Variants in SCARA5 observed in about 807,000 individuals in gnomAD.
The protein encoded by SCARA5 is scavenger receptor class A, member 5 (putative).
Under a neutral mutation model 46.3 loss-of-function variants are expected in SCARA5, and 45 were observed. The observed-to-expected ratio is 0.97, with a 90% CI of 0.76 to 1.24. The LOEUF is 1.24. SCARA5 is among the 50% of genes most tolerant of loss of function. The probability of loss-of-function intolerance (pLI) is 0.00; values close to 1 mark genes in which losing one functional copy is unlikely to be tolerated. For synonymous variants in SCARA5, 333 were observed against 306.5 expected (o/e 1.09, Z -0.90); for missense variants, 680 against 689.0 (o/e 0.99, Z 0.15).
At chr8:27,876,833 C>A (rs952930833) in intron 8 of SCARA5, among the ~76,000 whole-genome samples, 1 of 151,980 alleles carries the variant, frequency 6.6e-6, no homozygotes, top group African/African-American at 2.4e-5. Flanking sequence ...GAGAAGAAGG[C>A]TAGGAGGCAG....
chr8:27,921,983 G>C lies in SCARA5; in HGVS notation c.504C>G (p.Ala168=), dbSNP rs748378870. The C allele has an allele frequency of 1.9e-6, 3 of 1,545,992 alleles. No homozygotes were observed. Among genetic ancestry groups the C allele is most frequent in the Non-Finnish European group, 2.6e-6 (3 of 1,154,810 alleles). ...AQAVQTEQAV[A]LLRDRTGQQS... Reference sequence around the variant, plus strand: ...GCTGGCCCGTGCGGTCCCGCAGCAGGGCCACCGCCTGCTCGGTCTGCACCG... The same window carrying C: ...GCTGGCCCGTGCGGTCCCGCAGCAGCGCCACCGCCTGCTCGGTCTGCACCG... The change falls in exon 4 of 9, where the codon GCC becomes GCG. Residue 168 remains alanine (A), a synonymous_variant. Transcript: ENST00000354914.
chr8:27,957,939 A>C (rs973483728), intron 3 of SCARA5, among the ~76,000 whole-genome samples: 16 of 152,212 alleles, frequency 1.1e-4, no homozygotes, highest in Non-Finnish European at 1.0e-4. Context: ...AGGCACACAG[A>C]CTACTGAGCC....
In SCARA5 at chr8:27,921,932, G is replaced by C. The variant is rs1307223080; in HGVS notation, c.555C>G (p.Leu185=). 5 of 1,536,608 alleles carry C rather than the reference G, an allele frequency of 3.3e-6. No homozygotes were observed. Among genetic ancestry groups the C allele is most frequent in the Non-Finnish European group, 3.5e-6 (4 of 1,150,224 alleles). The change falls in exon 4 of 9, where the codon CTC becomes CTG. Residue 185 remains leucine, a synonymous_variant. Transcript: ENST00000354914. Reference sequence around the variant, plus strand: ...TGTTGCTCTCCACCTGCAGCTGGTAGAGCTCCAGCTGCGCCGTGTCGCTCT... The same window carrying C: ...TGTTGCTCTCCACCTGCAGCTGGTACAGCTCCAGCTGCGCCGTGTCGCTCT... ...GQQSDTAQLE[L]YQLQVESNSS...
At chr8:27,936,300 G>A (rs1807856334) in intron 3 of SCARA5, among the ~76,000 whole-genome samples, 1 of 152,064 alleles carries the variant, frequency 6.6e-6, no homozygotes, top group Non-Finnish European at 1.5e-5. Flanking sequence ...GTAGGACAAG[G>A]AGAGTGGCCA....
Position 27,966,477 on chromosome 8 carries a change from G to A in SCARA5, c.178C>T (p.His60Tyr). 4 of 1,613,924 alleles carry A rather than the reference G, an allele frequency of 2.5e-6. No homozygotes were observed. The highest frequency in any genetic ancestry group is 2.5e-6 in the Non-Finnish European group (3 of 1,179,908). ...AGCAGGTAGAGCCCCAGGACAGCAT[G>A]CTTCAGGGCCGACAGGGACCCCAGC... Reference protein sequence around the residue: ...TQLGSLSALKHAVLGLYLLVF... With the variant: ...TQLGSLSALKYAVLGLYLLVF... The change falls in exon 3 of 9, where the codon CAT becomes TAT. Residue 60 changes from histidine (H) to tyrosine (Y), a missense_variant. His to Tyr is a moderately conservative substitution (Grantham distance 83). Around this residue, in one of 3 missense-constraint regions of SCARA5, gnomAD observed 438 missense variants for 384.5 expected, o/e 1.14. Coordinates refer to ENST00000354914, the MANE Select transcript of SCARA5 (RefSeq NM_173833.6).
intron 3 of SCARA5, among the ~76,000 whole-genome samples, chr8:27,947,487 G>T (rs544426289): frequency 1.1e-5 from 1 of 94,410 alleles, no homozygotes; most frequent in African/African-American, 2.8e-5. Context: ...AATGTCCACT[G>T]ACAGATGGAT....
At chr8:27,960,926 T>C (rs1441635925) in intron 3 of SCARA5, among the ~76,000 whole-genome samples, 1 of 151,982 alleles carries the variant, frequency 6.6e-6, no homozygotes, top group Non-Finnish European at 1.5e-5. Context: ...GTGTAGGTCA[T>C]GGTAAAAAAT....
At chr8:27,949,942 A>T (rs1358106855) in intron 3 of SCARA5, among the ~76,000 whole-genome samples, 1 of 152,222 alleles carries the variant, frequency 6.6e-6, no homozygotes, top group African/African-American at 2.4e-5. Flanking sequence ...GGCCTTGCTG[A>T]TGGTGCTGCT....
chr8:27,911,405 C>T (rs994959121), intron 4 of SCARA5, among the ~76,000 whole-genome samples: 3 of 152,166 alleles, frequency 2.0e-5, no homozygotes, highest in African/African-American at 7.2e-5. Context: ...AAAACAAGGA[C>T]CATGGGGCCA....
chr8:27,910,748 A>G (rs1331381566), intron 4 of SCARA5, among the ~76,000 whole-genome samples: 1 of 152,212 alleles, frequency 6.6e-6, no homozygotes. Flanking sequence ...GACTTTGGTG[A>G]AAGTTGGGGA....
intron 3 of SCARA5, among the ~76,000 whole-genome samples, chr8:27,960,576 C>T (rs1305051247): frequency 2.6e-5 from 4 of 152,150 alleles, no homozygotes; most frequent in Non-Finnish European, 5.9e-5. Flanking sequence ...CCACGATCAA[C>T]CCATTGTACA....
At chr8:27,986,185 C>T (rs1468819105) in intron 2 of SCARA5, among the ~76,000 whole-genome samples, 1 of 152,240 alleles carries the variant, frequency 6.6e-6, no homozygotes, top group Non-Finnish European at 1.5e-5. Context: ...AACCCCAGGC[C>T]TTCTCCTCCG....
chr8:27,914,414 C>G (rs1014520033), intron 4 of SCARA5, among the ~76,000 whole-genome samples: 1 of 152,228 alleles, frequency 6.6e-6, no homozygotes, highest in African/African-American at 2.4e-5. Flanking sequence ...GTGCACAATG[C>G]CCCTGTGGGA....
chr8:27,921,473 T>C, intron 4 of SCARA5, 98 bp downstream of exon 4: 2 of 973,372 alleles, frequency 2.1e-6, no homozygotes, highest in Non-Finnish European at 1.4e-6. Flanking sequence ...GGGGATGGGG[T>C]GGGGCTGGGG....
intron 3 of SCARA5, among the ~76,000 whole-genome samples, chr8:27,933,075 G>GT (rs1394017270): frequency 6.6e-6 from 1 of 152,226 alleles, no homozygotes; most frequent in Non-Finnish European, 1.5e-5. Context: ...GTGAATTTTA[G>GT]TGGGATACAG....
At chr8:27,931,976 CTTTTAT>C (rs1290017827) in intron 3 of SCARA5, among the ~76,000 whole-genome samples, 3 of 35,662 alleles carry the variant, frequency 8.4e-5, no homozygotes, top group African/African-American at 1.6e-4. Context: ...ATTTTTAATT[CTTTTAT>C]TTTTATTTTA....
rs763951335 is a variant in SCARA5 at position 27,966,521 on chromosome 8, G to A, written c.134C>T (p.Ala45Val). ...CEDGPCHKRR[A>V]SICCTQLGSL... The stretch of plus-strand genomic sequence containing the variant: ...CCCCAGCTGGGTACAGCAGATGCTT[G>A]CCCGCCGTTTGTGACATGGACCTGG... The change falls in exon 3 of 9, where the codon GCA (alanine) becomes GTA (valine). Residue 45 changes from alanine (A) to valine (V), a missense_variant. This residue lies in a region of SCARA5 where 438 missense variants were observed against 384.5 expected (regional missense o/e 1.14). Transcript: ENST00000354914. 1 of 1,613,144 alleles carries A rather than the reference G, an allele frequency of 6.2e-7. No individual in the cohort carries two copies. The highest frequency in any genetic ancestry group is 8.5e-7 in the Non-Finnish European group (1 of 1,179,676).
chr8:27,953,117 G>A (rs769172928), intron 3 of SCARA5, among the ~76,000 whole-genome samples: 15 of 152,206 alleles, frequency 9.9e-5, no homozygotes, highest in East Asian at 1.9e-4. Flanking sequence ...GCCGACAACC[G>A]GGGCCAAAGG....
chr8:27,961,300 A>G (rs1808290515), intron 3 of SCARA5, among the ~76,000 whole-genome samples: 2 of 152,132 alleles, frequency 1.3e-5, no homozygotes, highest in Non-Finnish European at 2.9e-5. Context: ...TTCTTGCTCC[A>G]TTAGTTCACA....
Sources: gnomAD v4.1 joint callset for allele counts (sites outside exome capture counted in the v4.1 genomes callset) on GRCh38, gnomAD v4.1.1 for gene constraint, gnomAD v4.1.1 regional missense constraint, MANE v1.5 for transcripts, NCBI Gene and HGNC (gene_info 2026-07-23, HGNC 2026-07-21) for gene names.